The following DTNB variants were observed in gnomAD, a reference collection of about 807,000 sequenced individuals.
The protein encoded by DTNB is dystrobrevin beta, also known as DTN-B.
In DTNB, 63 loss-of-function variants were observed where a neutral mutation model predicts 90.7. That is an observed-to-expected ratio of 0.69 (90% CI 0.57 to 0.86). DTNB has a LOEUF of 0.86. DTNB is among the 40% of genes least tolerant of loss of function. DTNB has a pLI of 0.00. For missense variants in DTNB, 744 were observed against 807.1 expected (o/e 0.92, Z 0.95); for synonymous variants, 277 against 286.7 (o/e 0.97, Z 0.34).
intron 2 of DTNB, among the ~76,000 whole-genome samples, chr2:25,642,109 C>G (rs2078459846): frequency 6.6e-6 from 1 of 152,180 alleles, no homozygotes; most frequent in Admixed American, 6.5e-5. Context: ...CATGAGCCAC[C>G]ACACCCAGCC....
intron 12 of DTNB, among the ~76,000 whole-genome samples, chr2:25,443,067 G>C (rs2057786466): frequency 6.6e-6 from 1 of 152,198 alleles, no homozygotes; most frequent in African/African-American, 2.4e-5. Flanking sequence ...CAAAAGGTGA[G>C]AGATCATCTA....
chr2:25,643,423 G>T (rs569564408), intron 2 of DTNB, among the ~76,000 whole-genome samples: 2 of 152,158 alleles, frequency 1.3e-5, no homozygotes, highest in Non-Finnish European at 2.9e-5. Context: ...ATGCTAACTA[G>T]AACACAATAA....
intron 6 of DTNB, 30 bp from the exon 7 acceptor site, chr2:25,580,856 T>C (rs2061465140): frequency 6.3e-7 from 1 of 1,580,988 alleles, no homozygotes; most frequent in East Asian, 2.3e-5. Context: ...AAACATACTT[T>C]AAGTTTTTTA....
intron 16 of DTNB, among the ~76,000 whole-genome samples, chr2:25,391,743 A>C (rs554803552): frequency 1.3e-5 from 2 of 152,344 alleles, no homozygotes; most frequent in South Asian, 4.1e-4. Context: ...ACATTAGAAT[A>C]AAATTGGAAA....
intron 8 of DTNB, among the ~76,000 whole-genome samples, chr2:25,573,251 G>A (rs981319574): frequency 2.6e-5 from 4 of 152,012 alleles, no homozygotes; most frequent in Non-Finnish European, 5.9e-5. Context: ...CGGCCCACTT[G>A]GGGAACTTTT....
intron 9 of DTNB, among the ~76,000 whole-genome samples, chr2:25,494,852 C>T (rs2068440082): frequency 6.6e-6 from 1 of 151,332 alleles, no homozygotes; most frequent in Non-Finnish European, 1.5e-5. Flanking sequence ...CCTCCCGGAA[C>T]ATCACAGTTA....
chr2:25,520,190 C>T (rs775732445), intron 9 of DTNB, among the ~76,000 whole-genome samples: 3 of 151,982 alleles, frequency 2.0e-5, no homozygotes, highest in Non-Finnish European at 2.9e-5. Context: ...GAGACCAGCC[C>T]GGACAACATG....
chr2:25,553,637 G>A (rs1333163187), intron 8 of DTNB, among the ~76,000 whole-genome samples: 1 of 151,588 alleles, frequency 6.6e-6, no homozygotes, highest in East Asian at 1.9e-4. Flanking sequence ...CTACTCAGGA[G>A]GCTAAGGCAG....
intron 3 of DTNB, among the ~76,000 whole-genome samples, chr2:25,629,774 A>T (rs2075271931): frequency 6.6e-6 from 1 of 152,240 alleles, no homozygotes. Context: ...GATAAAGGGC[A>T]TCTACAACAA....
chr2:25,612,321 A>G (rs1034720690), intron 4 of DTNB, among the ~76,000 whole-genome samples: 3 of 152,172 alleles, frequency 2.0e-5, no homozygotes, highest in Non-Finnish European at 4.4e-5. Flanking sequence ...AGAGAAAAAT[A>G]ATATATTTGT....
At chr2:25,643,251 T>A (rs528660528) in intron 2 of DTNB, among the ~76,000 whole-genome samples, 1 of 152,206 alleles carries the variant, frequency 6.6e-6, no homozygotes. Flanking sequence ...GCCCCAGCCC[T>A]TCCTTCACCT....
At chr2:25,594,725 T>A (rs1019153534) in intron 6 of DTNB, among the ~76,000 whole-genome samples, 3 of 152,240 alleles carry the variant, frequency 2.0e-5, no homozygotes, top group African/African-American at 7.2e-5. Flanking sequence ...TACCAAAAAA[T>A]TCCCATTTTC....
chr2:25,535,202 GCA>G (rs2079216898), intron 8 of DTNB, among the ~76,000 whole-genome samples: 1 of 150,476 alleles, frequency 6.6e-6, no homozygotes. Context: ...CCGGGCAGAG[GCA>G]CTCCTCACAT....
chr2:25,444,679 G>C (rs2058115463), intron 12 of DTNB, among the ~76,000 whole-genome samples: 1 of 152,126 alleles, frequency 6.6e-6, no homozygotes, highest in Non-Finnish European at 1.5e-5. Context: ...GAGAAGTTAT[G>C]GCACGGACGC....
At chr2:25,635,090 AAAG>A (rs1378192154) in intron 3 of DTNB, among the ~76,000 whole-genome samples, 2 of 151,558 alleles carry the variant, frequency 1.3e-5, no homozygotes, top group East Asian at 1.9e-4. Context: ...AAAAAAAAAA[AAAG>A]AAATTTTAAA....
intron 12 of DTNB, among the ~76,000 whole-genome samples, chr2:25,438,781 C>T (rs904362444): frequency 2.0e-5 from 3 of 152,288 alleles, no homozygotes; most frequent in Middle Eastern, 3.4e-3. Flanking sequence ...AGAAACCTGA[C>T]GAACACTGCC....
chr2:25,613,484 G>T (rs915324287), intron 4 of DTNB, among the ~76,000 whole-genome samples: 1 of 151,486 alleles, frequency 6.6e-6, no homozygotes, highest in Non-Finnish European at 1.5e-5. Context: ...ACTTATAAAT[G>T]AGAACATGTC....
intron 6 of DTNB, among the ~76,000 whole-genome samples, chr2:25,590,537 C>A (rs1007397354): frequency 2.0e-5 from 3 of 151,984 alleles, no homozygotes; most frequent in African/African-American, 7.3e-5. Flanking sequence ...CTCTTCAGCT[C>A]TCAGCAGAGA....
At chr2:25,672,194 C>T (rs2086087587) in intron 1 of DTNB, among the ~76,000 whole-genome samples, 1 of 114,252 alleles carries the variant, frequency 8.8e-6, no homozygotes, top group Non-Finnish European at 1.7e-5. Flanking sequence ...CCGGGGTTGC[C>T]TCGCATAGCA....
Sources: allele counts gnomAD v4.1 joint callset (sites outside exome capture counted in the v4.1 genomes callset), GRCh38; gene constraint gnomAD v4.1.1; transcripts MANE v1.5; gene names NCBI Gene and HGNC (gene_info 2026-07-23, HGNC 2026-07-21).